Variants in TXNL4A observed in about 807,000 individuals in gnomAD.
The protein encoded by TXNL4A is thioredoxin-like protein 4A.
A neutral mutation model predicts 14.6 loss-of-function variants in TXNL4A; 17 were observed. The observed-to-expected ratio is 1.16, with a 90% confidence interval of 0.80 to 1.74. The LOEUF is 1.74. Among genes scored for constraint, TXNL4A ranks in the 40% most tolerant of loss-of-function variants. The pLI is 0.00. For synonymous variants in TXNL4A, 83 were observed against 70.6 expected (o/e 1.18, Z -0.88); for missense variants, 74 against 195.2 (o/e 0.38, Z 3.70).
intron 1 of TXNL4A, among the ~76,000 whole-genome samples, chr18:79,985,142 G>C: frequency 6.6e-6 from 1 of 152,150 alleles, no homozygotes; most frequent in Non-Finnish European, 1.5e-5. Context: ...AAAATGGAAA[G>C]ACAGCTCAAA....
Position 79,977,593 on chromosome 18 carries a change from C to A in TXNL4A, c.257+5G>T. ...AATTTCAGTAACAACTTTAAGATAA[C>A]GTACCTGAAGAAAAACATGACAGTA... On this transcript the variant is annotated splice_donor_5th_base_variant and intron_variant, in intron 2 of 2. Coordinates refer to ENST00000269601, the MANE Select transcript of TXNL4A (RefSeq NM_006701.5). The A allele has an allele frequency of 6.3e-7, 1 of 1,589,760 alleles. No homozygotes were observed. The highest frequency in any genetic ancestry group is 8.6e-7 in the Non-Finnish European group (1 of 1,165,250).
chr18:80,016,906 A>G (rs2051814967), intron 1 of TXNL4A, among the ~76,000 whole-genome samples: 1 of 152,024 alleles, frequency 6.6e-6, no homozygotes, highest in African/African-American at 2.4e-5. Flanking sequence ...GAAGAAAGTC[A>G]TTGGTAGCTT....
At chr18:79,984,201 G>A (rs1361503411) in intron 1 of TXNL4A, among the ~76,000 whole-genome samples, 2 of 152,116 alleles carry the variant, frequency 1.3e-5, no homozygotes, top group Admixed American at 1.3e-4. Flanking sequence ...TTCAGTAGGC[G>A]TTCTGTGATC....
At chr18:80,009,357 T>G (rs1357934928) in intron 1 of TXNL4A, among the ~76,000 whole-genome samples, 1 of 152,136 alleles carries the variant, frequency 6.6e-6, no homozygotes, top group African/African-American at 2.4e-5. Context: ...TTTTCCATAT[T>G]TCACGGGGCG....
intron 1 of TXNL4A, among the ~76,000 whole-genome samples, chr18:80,024,925 G>A (rs933809946): frequency 5.3e-5 from 8 of 152,154 alleles, no homozygotes; most frequent in Admixed American, 2.6e-4. Context: ...TAAATTATGA[G>A]GAACAAGTCC....
chr18:79,988,315 G>A lies in TXNL4A; in HGVS notation c.78C>T (p.Val26=), dbSNP rs543566660. 1.9e-6 allele frequency: 3 copies of A among 1,600,472 alleles called. No individual in the cohort carries two copies. In the South Asian group the frequency reaches 3.4e-5, roughly 18 times the overall value. The stretch of plus-strand genomic sequence containing the variant: ...CCCAGTCGTGGCCGAAGCGGATGAC[G>A]ACCACGCGGTCCTCCTCCGAGAGGA... The part of the protein sequence containing the change: ...QAILSEEDRV[V]VIRFGHDWDP... Residue 26 remains valine, a synonymous_variant, in exon 1 of 3, where the codon GTC becomes GTT. Transcript: ENST00000269601.
chr18:79,981,539 G>C (rs1011738159), intron 1 of TXNL4A, among the ~76,000 whole-genome samples: 4 of 152,182 alleles, frequency 2.6e-5, no homozygotes, highest in South Asian at 2.1e-4. Context: ...GGGTGTGGCG[G>C]TGCACGCCTG....
At chr18:79,975,768 T>A (rs991842872) in intron 2 of TXNL4A, among the ~76,000 whole-genome samples, 1 of 151,138 alleles carries the variant, frequency 6.6e-6, no homozygotes, top group Non-Finnish European at 1.5e-5. Flanking sequence ...TTATAGGAAG[T>A]CAGAGCTCAA....
At chr18:80,003,192 G>A (rs185802363) in intron 1 of TXNL4A, among the ~76,000 whole-genome samples, 10 of 152,332 alleles carry the variant, frequency 6.6e-5, no homozygotes, top group African/African-American at 1.9e-4. Flanking sequence ...CAAGTCCAGC[G>A]CTGGGTGGCT....
intron 2 of TXNL4A, 132 bp downstream of exon 2, chr18:79,977,466 G>T: frequency 4.2e-6 from 3 of 707,376 alleles, no homozygotes; most frequent in African/African-American, 1.8e-5. Context: ...ATTGCCTGGT[G>T]ATACAAACGA....
In TXNL4A at chr18:79,988,492, G is replaced by A. The variant is rs1022632386; in HGVS notation, c.-100C>T. On this transcript the variant is annotated 5_prime_UTR_variant, in exon 1 of 3. Coordinates refer to ENST00000269601, the MANE Select transcript of TXNL4A (RefSeq NM_006701.5). ...TCACTCCCCGGCCCCCGCCGCCCCC[G>A]GGCCCACGGACGAAATCCGGTCCCG... The A allele has an allele frequency of 6.6e-6, 8 of 1,217,144 alleles. No homozygotes were observed. The highest frequency in any genetic ancestry group is 6.0e-5 in the South Asian group (2 of 33,172). 75.4% of individuals were successfully genotyped at this position (1,217,144 alleles called of 1,614,324 possible). A position where few individuals can be genotyped will look rare whatever the true frequency, so the allele number is the denominator to read the frequency against.
intron 1 of TXNL4A, among the ~76,000 whole-genome samples, chr18:80,001,889 G>A (rs960676225): frequency 1.3e-5 from 2 of 151,826 alleles, no homozygotes; most frequent in African/African-American, 2.4e-5. Flanking sequence ...AATGCTAAAA[G>A]GACTTTGGGG....
chr18:80,009,311 T>C (rs960974945), intron 1 of TXNL4A, among the ~76,000 whole-genome samples: 36 of 152,166 alleles, frequency 2.4e-4, no homozygotes, highest in Admixed American at 9.2e-4. Context: ...CAGTTATTGC[T>C]CTGTTGGGCA....
At chr18:79,984,679 G>A (rs936433168) in intron 1 of TXNL4A, among the ~76,000 whole-genome samples, 5 of 152,198 alleles carry the variant, frequency 3.3e-5, no homozygotes, top group African/African-American at 4.8e-5. Context: ...GCAACGGCAC[G>A]ATGATAGCTT....
intron 1 of TXNL4A, among the ~76,000 whole-genome samples, chr18:79,987,797 C>T (rs778592268): frequency 6.6e-6 from 1 of 152,174 alleles, no homozygotes; most frequent in Non-Finnish European, 1.5e-5. Context: ...AAAACACACC[C>T]ACAGAAAAGC....
rs1245708544 is a variant in TXNL4A, at chr18:79,973,665, C to T, written c.*20G>A. On this transcript the variant is annotated 3_prime_UTR_variant, in exon 3 of 3. Coordinates refer to ENST00000269601, the MANE Select transcript of TXNL4A (RefSeq NM_006701.5). ...ACAAAAAGGGCTCCACGACATTTAT[C>T]CGCGCAGACTGAGGGCGCCTCAGTA... 1 of 1,596,846 alleles carries T rather than the reference C, an allele frequency of 6.3e-7. No homozygotes were observed. The highest frequency in any genetic ancestry group is 1.4e-5 in the African/African-American group (1 of 74,034).
intron 1 of TXNL4A, among the ~76,000 whole-genome samples, chr18:80,027,240 A>G (rs555873338): frequency 6.6e-6 from 1 of 152,192 alleles, no homozygotes; most frequent in East Asian, 1.9e-4. Context: ...AATCGCCCCT[A>G]TCATAGAAGA....
chr18:80,026,210 G>A (rs1808592), intron 1 of TXNL4A, among the ~76,000 whole-genome samples: 116,299 of 152,112 alleles, frequency 0.76, 45,172 homozygotes, highest in East Asian at 0.91. Flanking sequence ...ATTATCCCAC[G>A]CTACGATAAA....
intron 1 of TXNL4A, chr18:79,979,487 T>G (rs2051430784): frequency 6.6e-6 from 1 of 152,162 alleles, no homozygotes; most frequent in Non-Finnish European, 1.5e-5. Flanking sequence ...GTCCTCGGGG[T>G]AGTGAGCTGA....
Sources: allele counts gnomAD v4.1 joint callset (sites outside exome capture counted in the v4.1 genomes callset), GRCh38; gene constraint gnomAD v4.1.1; transcripts MANE v1.5; gene names NCBI Gene and HGNC (gene_info 2026-07-23, HGNC 2026-07-21).